CNTN5: variants seen among roughly 807,000 people sequenced by gnomAD.
The protein encoded by CNTN5 is contactin-5.
A neutral mutation model predicts 129.1 loss-of-function variants in CNTN5; 77 were observed. The observed-to-expected ratio is 0.60, with a 90% confidence interval of 0.50 to 0.72. The LOEUF (loss-of-function observed/expected upper bound fraction) is 0.72. CNTN5 is among the 30% of genes least tolerant of loss of function. CNTN5 has a pLI of 0.00. For synonymous variants in CNTN5, 509 were observed against 465.6 expected, an observed-to-expected ratio of 1.09 and a Z score of -1.20; for missense variants, 1,478 against 1,328.8, an observed-to-expected ratio of 1.11 and a Z score of -1.75.
chr11:99,074,530 G>C (rs1197728930), intron 1 of CNTN5, among the ~76,000 whole-genome samples: 1 of 152,128 alleles, frequency 6.6e-6, no homozygotes, highest in Non-Finnish European at 1.5e-5. Context: ...AATTTATAGA[G>C]ACTGGGTCTC....
intron 1 of CNTN5, among the ~76,000 whole-genome samples, chr11:99,245,958 A>C (rs772841069): frequency 2.0e-5 from 3 of 152,132 alleles, no homozygotes; most frequent in Non-Finnish European, 2.9e-5. Flanking sequence ...TTGAGAACCC[A>C]CTGATCTAAG....
At chr11:99,411,417 G>A (rs562961245) in intron 2 of CNTN5, among the ~76,000 whole-genome samples, 2 of 152,288 alleles carry the variant, frequency 1.3e-5, no homozygotes, top group Admixed American at 6.5e-5. Context: ...CTATTTGGGA[G>A]ACTGAGGAAG....
At chr11:99,790,587 G>A (rs577830682) in intron 3 of CNTN5, among the ~76,000 whole-genome samples, 55 of 152,142 alleles carry the variant, frequency 3.6e-4, no homozygotes, top group African/African-American at 1.3e-3. Context: ...GGGAATTTAG[G>A]TTGACTCCGT....
chr11:99,257,505 T>A (rs577213090), intron 1 of CNTN5, among the ~76,000 whole-genome samples: 1 of 152,138 alleles, frequency 6.6e-6, no homozygotes, highest in Non-Finnish European at 1.5e-5. Flanking sequence ...TCATAGTGAT[T>A]GTTGCAGCCA....
At chr11:99,943,222 G>A (rs752332162) in intron 7 of CNTN5, among the ~76,000 whole-genome samples, 1 of 151,942 alleles carries the variant, frequency 6.6e-6, no homozygotes, top group Non-Finnish European at 1.5e-5. Context: ...TTTAATGATC[G>A]CCATTCTAAG....
At chr11:99,400,797 T>C (rs568683924) in intron 2 of CNTN5, among the ~76,000 whole-genome samples, 1 of 152,274 alleles carries the variant, frequency 6.6e-6, no homozygotes, top group East Asian at 1.9e-4. Context: ...TGATATCTGA[T>C]TGTAGTTTGA....
chr11:99,558,454 T>G lies in CNTN5; in HGVS notation c.55+2185T>G. The G allele has an allele frequency of 2.9e-5, 5 of 173,512 alleles. 1 individual carries two copies. The South Asian group carries it at 5.8e-4, about 20-fold the overall frequency. The allele number at this position is 173,512 out of a possible 1,614,324, so 10.7% of individuals were successfully genotyped here. On this transcript the variant is annotated intron_variant, in intron 3 of 24. Coordinates refer to ENST00000524871, the MANE Select transcript of CNTN5 (RefSeq NM_014361.4). ...ATTTCATTTTATCTAGAAATTAAATTTAACAGATGTCCAGTGCTTTTATTT... is the reference window on the plus strand; with the variant it reads ...ATTTCATTTTATCTAGAAATTAAATGTAACAGATGTCCAGTGCTTTTATTT...
intron 3 of CNTN5, among the ~76,000 whole-genome samples, chr11:99,806,630 A>G (rs1946278866): frequency 6.6e-6 from 1 of 151,994 alleles, no homozygotes; most frequent in African/African-American, 2.4e-5. Flanking sequence ...AACATGGTGA[A>G]ACCCTGTCTC....
chr11:99,784,182 A>G (rs1033607186), intron 3 of CNTN5, among the ~76,000 whole-genome samples: 3 of 152,080 alleles, frequency 2.0e-5, no homozygotes, highest in Non-Finnish European at 4.4e-5. Context: ...TCTGGGATAC[A>G]TGTGCAGAAT....
chr11:99,193,006 CATT>C (rs1437721528), intron 1 of CNTN5, among the ~76,000 whole-genome samples: 3 of 152,012 alleles, frequency 2.0e-5, no homozygotes, highest in Non-Finnish European at 4.4e-5. Context: ...GTGATAATCT[CATT>C]ATGAAGGTTC....
At chr11:100,001,914 AAC>A in intron 8 of CNTN5, 118 bp from the exon 9 acceptor site, 1 of 689,974 alleles carries the variant, frequency 1.4e-6, no homozygotes, top group South Asian at 1.9e-5. Flanking sequence ...CGAAAAATTT[AAC>A]AGTCATCAAA....
intron 9 of CNTN5, among the ~76,000 whole-genome samples, chr11:100,010,858 T>G (rs527275337): frequency 1.4e-4 from 22 of 152,258 alleles, no homozygotes; most frequent in African/African-American, 4.6e-4. Context: ...TCAGTAAGGC[T>G]TACGTCAAAT....
chr11:99,997,559 C>T (rs1418739229), intron 8 of CNTN5, among the ~76,000 whole-genome samples: 3 of 152,220 alleles, frequency 2.0e-5, no homozygotes, highest in Admixed American at 6.5e-5. Flanking sequence ...GATTCACAGC[C>T]GAATTCTACC....
intron 2 of CNTN5, among the ~76,000 whole-genome samples, chr11:99,480,616 A>G (rs1010150292): frequency 6.6e-6 from 1 of 152,192 alleles, no homozygotes; most frequent in African/African-American, 2.4e-5. Flanking sequence ...TTATTCTACA[A>G]TCTTTGCTTT....
chr11:99,876,948 T>C (rs770523608), intron 6 of CNTN5, among the ~76,000 whole-genome samples: 1 of 152,186 alleles, frequency 6.6e-6, no homozygotes, highest in Non-Finnish European at 1.5e-5. Flanking sequence ...GTTTCTTTTA[T>C]TCTTTTATTC....
At chr11:100,009,206 A>C (rs1236021708) in intron 9 of CNTN5, among the ~76,000 whole-genome samples, 1 of 152,086 alleles carries the variant, frequency 6.6e-6, no homozygotes, top group Non-Finnish European at 1.5e-5. Flanking sequence ...AATTTAGCGA[A>C]AATTCAGATG....
At chr11:100,008,394 T>C (rs569463567) in intron 9 of CNTN5, among the ~76,000 whole-genome samples, 10 of 152,210 alleles carry the variant, frequency 6.6e-5, no homozygotes, top group East Asian at 1.9e-4. Context: ...AATTCACTTA[T>C]TAATTCAGAG....
At chr11:99,859,172 T>C (rs901432902) in intron 6 of CNTN5, among the ~76,000 whole-genome samples, 4 of 152,184 alleles carry the variant, frequency 2.6e-5, no homozygotes, top group African/African-American at 7.2e-5. Flanking sequence ...ATCTGAACCA[T>C]CCTGAGATTA....
chr11:99,745,007 G>C (rs1218669744), intron 3 of CNTN5, among the ~76,000 whole-genome samples: 1 of 152,146 alleles, frequency 6.6e-6, no homozygotes, highest in Non-Finnish European at 1.5e-5. Flanking sequence ...CCAAGTAGTT[G>C]ATTGATTGTC....
Sources: gnomAD v4.1 joint callset for allele counts (sites outside exome capture counted in the v4.1 genomes callset) on GRCh38, gnomAD v4.1.1 for gene constraint, MANE v1.5 for transcripts, NCBI Gene and HGNC (gene_info 2026-07-23, HGNC 2026-07-21) for gene names.